The following PAK2 variants were observed in gnomAD, a reference collection of about 807,000 sequenced individuals.
PAK2 encodes p21 (RAC1) activated kinase 2.
A neutral mutation model predicts 65.9 loss-of-function variants in PAK2; 21 were observed. That is an observed-to-expected ratio of 0.32 (90% CI 0.23 to 0.46). The LOEUF (loss-of-function observed/expected upper bound fraction) is 0.46, where lower values mean the gene tolerates loss of function less well. Ranked by LOEUF, PAK2 falls within the 20% of genes least tolerant of loss-of-function variation. The probability of loss-of-function intolerance (pLI) is 1.00; values close to 1 mark genes in which losing one functional copy is unlikely to be tolerated. For missense variants in PAK2, 324 were observed against 642.6 expected (o/e 0.50, Z 5.36); for synonymous variants, 204 against 219.7 (o/e 0.93, Z 0.63).
At chr3:196,747,282 C>T (rs758637351) in intron 1 of PAK2, 15 of 151,932 alleles carry the variant, frequency 9.9e-5, no homozygotes, top group Non-Finnish European at 1.8e-4. Context: ...AATCGCTCCT[C>T]GGATAGACCT....
intron 1 of PAK2, among the ~76,000 whole-genome samples, chr3:196,758,280 T>A (rs964333495): frequency 3.3e-5 from 5 of 152,218 alleles, no homozygotes; most frequent in African/African-American, 1.2e-4. Context: ...AACCAATACT[T>A]GTGGCAGTGA....
At chr3:196,807,644 A>C in intron 6 of PAK2, 138 bp from the exon 7 acceptor site, 1 of 532,606 alleles carries the variant, frequency 1.9e-6, no homozygotes, top group Non-Finnish European at 3.4e-6. Flanking sequence ...TATATCTGAA[A>C]ATAGTGTTCT....
At chr3:196,788,525 A>G (rs1028591093) in intron 2 of PAK2, among the ~76,000 whole-genome samples, 2 of 152,156 alleles carry the variant, frequency 1.3e-5, no homozygotes, top group African/African-American at 2.4e-5. Flanking sequence ...TCTTTTTTCC[A>G]TGCTTGCTAA....
chr3:196,822,498 AG>A (rs1327471030), intron 13 of PAK2, among the ~76,000 whole-genome samples: 2 of 152,084 alleles, frequency 1.3e-5, no homozygotes, highest in African/African-American at 4.8e-5. Context: ...AGGCCAGCCT[AG>A]GCAACATAGT....
At chr3:196,794,981 T>C (rs1361760344) in intron 2 of PAK2, among the ~76,000 whole-genome samples, 1 of 152,050 alleles carries the variant, frequency 6.6e-6, no homozygotes, top group Non-Finnish European at 1.5e-5. Context: ...TTACAGAGAC[T>C]CTCTAAGCAA....
chr3:196,803,760 A>G lies in PAK2; in HGVS notation c.436+596A>G, dbSNP rs1465943472. Among the ~76,000 whole-genome samples the G allele has an allele frequency of 2.0e-5, 3 of 152,228 alleles. No individual in the cohort carries two copies. In the East Asian group the frequency reaches 5.8e-4, roughly 29 times the overall value. ...CAGTAATGCAAATTTTACTTTCTGG[A>G]TGAATATAGCTGGATGGAAATGGGG... On this transcript the variant is annotated intron_variant, in intron 4 of 14. Coordinates refer to ENST00000327134, the MANE Select transcript of PAK2 (RefSeq NM_002577.4).
Position 196,818,172 on chromosome 3 carries a change from A to G in PAK2, c.1153+16A>G, listed in dbSNP as rs1711528877. On this transcript the variant is annotated intron_variant, in intron 12 of 14. Coordinates refer to ENST00000327134, the MANE Select transcript of PAK2 (RefSeq NM_002577.4). ...GTTAAGCTCAGTGAGTAACAAATGG[A>G]CAATTCACAATCATTTATTATAATT... The G allele has an allele frequency of 1.1e-6, 1 of 883,634 alleles. No individual in the cohort carries two copies. The highest frequency in any genetic ancestry group is 1.9e-6 in the Non-Finnish European group (1 of 528,786). 54.7% of individuals were successfully genotyped at this position (883,634 alleles called of 1,614,324 possible).
At chr3:196,773,026 G>A (rs997758518) in intron 1 of PAK2, among the ~76,000 whole-genome samples, 5 of 152,160 alleles carry the variant, frequency 3.3e-5, no homozygotes, top group Non-Finnish European at 5.9e-5. Flanking sequence ...GGGCTGACCG[G>A]TTCCAGATAC....
intron 13 of PAK2, among the ~76,000 whole-genome samples, chr3:196,822,775 G>T (rs1342629156): frequency 6.6e-6 from 1 of 152,088 alleles, no homozygotes; most frequent in Non-Finnish European, 1.5e-5. Context: ...GGTGACATTT[G>T]GACACAGGAA....
rs540854302 is a variant in PAK2, at chr3:196,786,389, C to T, written c.187+3556C>T. Among the ~76,000 whole-genome samples, 19 of 152,144 alleles carry T rather than the reference C, an allele frequency of 1.2e-4. No individual in the cohort carries two copies. In the East Asian group the frequency reaches 2.7e-3, roughly 22 times the overall value. On this transcript the variant is annotated intron_variant, in intron 2 of 14. Transcript: ENST00000327134. The stretch of plus-strand genomic sequence containing the variant: ...TGTTGGCCAGGCTGGTCTTGAACTT[C>T]TGACCTTGTGATCCACCTGCCTCAG...
At chr3:196,794,007 T>A (rs1043357429) in intron 2 of PAK2, among the ~76,000 whole-genome samples, 62 of 152,048 alleles carry the variant, frequency 4.1e-4, no homozygotes, top group Admixed American at 3.8e-3. Flanking sequence ...GGCGTACACC[T>A]GTAATCCCAG....
chr3:196,798,707 A>G (rs6583176), intron 2 of PAK2, among the ~76,000 whole-genome samples: 125,366 of 152,174 alleles, frequency 0.82, 51,880 homozygotes, highest in African/African-American at 0.88. Flanking sequence ...AGGGTAATAC[A>G]TCATGACCAA....
intron 2 of PAK2, among the ~76,000 whole-genome samples, chr3:196,785,566 G>A (rs531568970): frequency 3.6e-4 from 55 of 152,212 alleles, no homozygotes; most frequent in African/African-American, 1.1e-3. Flanking sequence ...GCATCTTTTC[G>A]GGTTAATTGA....
intron 1 of PAK2, among the ~76,000 whole-genome samples, chr3:196,773,442 A>G (rs764033485): frequency 2.0e-5 from 3 of 152,200 alleles, no homozygotes; most frequent in African/African-American, 4.8e-5. Flanking sequence ...AGAAGTAGCA[A>G]TTCACACACA....
In PAK2 at chr3:196,791,236, A is replaced by C. The variant is rs1412590566; in HGVS notation, c.187+8403A>C. Among the ~76,000 whole-genome samples, 2 of 152,160 alleles carry C rather than the reference A, an allele frequency of 1.3e-5. No individual in the cohort carries two copies. Among genetic ancestry groups the C allele is most frequent in the African/African-American group, 2.4e-5 (1 of 41,438 alleles). Reference sequence around the variant, plus strand: ...ACATGCTTTAGTATCTTTTTGTTTTAGACACTGTTTCTAATATCCTTTCCT... The same window carrying C: ...ACATGCTTTAGTATCTTTTTGTTTTCGACACTGTTTCTAATATCCTTTCCT... On this transcript the variant is annotated intron_variant, in intron 2 of 14. Coordinates refer to ENST00000327134, the MANE Select transcript of PAK2 (RefSeq NM_002577.4). The surrounding 1 kb of genome is among the most constrained non-coding windows in gnomAD (Gnocchi z 4.0).
intron 1 of PAK2, among the ~76,000 whole-genome samples, chr3:196,740,691 C>A (rs1189380793): frequency 1.3e-5 from 2 of 152,264 alleles, no homozygotes; most frequent in South Asian, 4.1e-4. Context: ...TTGGTAAAAA[C>A]GTAGAGCGTC....
At chr3:196,815,525 T>C (rs192901223) in intron 11 of PAK2, among the ~76,000 whole-genome samples, 2 of 147,688 alleles carry the variant, frequency 1.4e-5, no homozygotes, top group African/African-American at 5.0e-5. Flanking sequence ...ACAGTGTCTC[T>C]CGCCTGTAAT....
chr3:196,751,944 T>C (rs748366350), intron 1 of PAK2, among the ~76,000 whole-genome samples: 2 of 151,612 alleles, frequency 1.3e-5, no homozygotes, highest in African/African-American at 4.8e-5. Flanking sequence ...GATTTCACCA[T>C]GTTGGCCAGG....
chr3:196,812,116 T>C, intron 8 of PAK2, 103 bp from the exon 9 acceptor site: 1 of 743,144 alleles, frequency 1.3e-6, no homozygotes, highest in South Asian at 1.5e-5. Flanking sequence ...GGTCATCCTG[T>C]TCTTTAATTC....
Sources: gnomAD v4.1 joint callset for allele counts (sites outside exome capture counted in the v4.1 genomes callset) on GRCh38, gnomAD v4.1.1 for gene constraint, Gnocchi (gnomAD v3.1) non-coding constraint, MANE v1.5 for transcripts, NCBI Gene and HGNC (gene_info 2026-07-23, HGNC 2026-07-21) for gene names.